Variants in FAR2 observed in about 807,000 individuals in gnomAD.
FAR2 encodes the protein epididymis secretory protein Li 81.
FAR2 carries 19 observed loss-of-function variants against 56.0 expected under a neutral mutation model. The ratio of observed to expected loss-of-function variants is 0.34; its 90% CI spans 0.24 to 0.50. FAR2 has a LOEUF of 0.50. FAR2 is among the 20% of genes least tolerant of loss of function. The pLI, the probability that FAR2 is intolerant of heterozygous loss-of-function variation, is 0.98. For synonymous variants in FAR2, 219 were observed against 218.8 expected, an observed-to-expected ratio of 1.00 and a Z score of -0.01; for missense variants, 508 against 642.2, an observed-to-expected ratio of 0.79 and a Z score of 2.26.
intron 1 of FAR2, among the ~76,000 whole-genome samples, chr12:29,176,661 G>T (rs1160286921): frequency 6.6e-6 from 1 of 152,204 alleles, no homozygotes; most frequent in East Asian, 1.9e-4. Flanking sequence ...TTATAACACA[G>T]GCTGAGGAAA....
intron 5 of FAR2, 23 bp from the exon 6 acceptor site, chr12:29,309,163 A>G: frequency 6.4e-7 from 1 of 1,559,460 alleles, no homozygotes; most frequent in East Asian, 2.2e-5. Context: ...ATGTGTAACC[A>G]ATAGAAATCT....
chr12:29,299,780 T>C (rs990592603), intron 4 of FAR2, among the ~76,000 whole-genome samples: 16 of 137,518 alleles, frequency 1.2e-4, no homozygotes, highest in Non-Finnish European at 4.7e-5. Context: ...CCTCATACTC[T>C]GCCTGCCTTT....
chr12:29,268,881 G>A (rs1353282673), intron 1 of FAR2, among the ~76,000 whole-genome samples: 1 of 152,134 alleles, frequency 6.6e-6, no homozygotes, highest in Admixed American at 6.6e-5. Flanking sequence ...GTTTTTATTA[G>A]GGATTTTCAA....
Position 29,203,999 on chromosome 12 carries a change from C to CAAAAAAAAAA in FAR2, c.-39+54607_-39+54616dup, listed in dbSNP as rs34399942. On this transcript the variant is annotated intron_variant, in intron 1 of 11. Transcript: ENST00000536681. Reference sequence around the variant, plus strand: ...TGGGAGAGAGAGTGAGATTCCATCTCAAAAAAAAAAAAAAAAAAAAAAAAG... The same window carrying CAAAAAAAAAA: ...TGGGAGAGAGAGTGAGATTCCATCTCAAAAAAAAAAAAAAAAAAAAAAAAAAAAAAAAAAG... 3.1e-4 allele frequency among the ~76,000 whole-genome samples: 21 copies of CAAAAAAAAAA among 68,104 alleles called. 1 individual carries two copies. The highest frequency in any genetic ancestry group is 4.6e-4 in the Non-Finnish European group (19 of 41,204). 44.7% of individuals were successfully genotyped at this position (68,104 alleles called of 152,430 possible).
At chr12:29,332,059 C>A (rs1406061133) in intron 10 of FAR2, 1 of 156,320 alleles carries the variant, frequency 6.4e-6, no homozygotes, top group Non-Finnish European at 1.4e-5. Flanking sequence ...GTGATCACTC[C>A]TTTTTTCTTT....
intron 1 of FAR2, among the ~76,000 whole-genome samples, chr12:29,259,068 A>G (rs1385325038): frequency 2.0e-5 from 3 of 152,238 alleles, no homozygotes; most frequent in Admixed American, 1.3e-4. Flanking sequence ...ATAGGCAGAA[A>G]TTTAAGTCTT....
At chr12:29,172,481 G>A (rs1302211589) in intron 1 of FAR2, among the ~76,000 whole-genome samples, 1 of 152,170 alleles carries the variant, frequency 6.6e-6, no homozygotes, top group Non-Finnish European at 1.5e-5. Context: ...GAACCACTGA[G>A]GTTTGTTTGT....
intron 1 of FAR2, among the ~76,000 whole-genome samples, chr12:29,175,664 T>C (rs1230785980): frequency 1.3e-5 from 2 of 152,262 alleles, no homozygotes; most frequent in Non-Finnish European, 1.5e-5. Flanking sequence ...TTTTGCAGAA[T>C]GCTGATTGGT....
intron 1 of FAR2, among the ~76,000 whole-genome samples, chr12:29,253,362 G>C (rs571432210): frequency 7.1e-6 from 1 of 141,106 alleles, no homozygotes; most frequent in African/African-American, 2.6e-5. Flanking sequence ...TATCTATACA[G>C]ATATCTATCT....
At chr12:29,258,825 G>A (rs1458375327) in intron 1 of FAR2, among the ~76,000 whole-genome samples, 1 of 152,208 alleles carries the variant, frequency 6.6e-6, no homozygotes, top group Non-Finnish European at 1.5e-5. Flanking sequence ...AAATTGAGAA[G>A]CTTAAGTTTT....
chr12:29,270,753 A>AGCCT, intron 2 of FAR2, 115 bp downstream of exon 2: 5 of 831,780 alleles, frequency 6.0e-6, no homozygotes, highest in South Asian at 3.7e-5. Flanking sequence ...CTGCACAGGT[A>AGCCT]GAGGAAGGCA....
At chr12:29,217,127 G>C (rs977543436) in intron 1 of FAR2, among the ~76,000 whole-genome samples, 4 of 152,140 alleles carry the variant, frequency 2.6e-5, no homozygotes, top group Non-Finnish European at 5.9e-5. Context: ...AGGAAAAATA[G>C]ATAAGTTATC....
At chr12:29,270,708 T>C (rs984528961) in intron 2 of FAR2, 70 bp downstream of exon 2, 2 of 1,361,590 alleles carry the variant, frequency 1.5e-6, no homozygotes, top group Non-Finnish European at 2.0e-6. Flanking sequence ...CAATGTTCTC[T>C]TATAGTCTCA....
chr12:29,183,046 C>A (rs183269234), intron 1 of FAR2, among the ~76,000 whole-genome samples: 155 of 151,086 alleles, frequency 1.0e-3, no homozygotes, highest in African/African-American at 3.6e-3. Context: ...ACAGTAAAAT[C>A]TCAGTAACCA....
In FAR2 at chr12:29,245,590, A is replaced by G. The variant is rs546250829; in HGVS notation, c.-38-24822A>G. 8.5e-5 allele frequency among the ~76,000 whole-genome samples: 13 copies of G among 152,252 alleles called. No homozygotes were observed. The South Asian group carries it at 2.7e-3, about 32-fold the overall frequency. On this transcript the variant is annotated intron_variant, in intron 1 of 11. Coordinates refer to ENST00000536681, the MANE Select transcript of FAR2 (RefSeq NM_001271783.2). The stretch of plus-strand genomic sequence containing the variant: ...CTCCTTGCCCCAGTTCAACTCCTCA[A>G]TACCTCTGGCCTGGATCATTGAAAT...
At chr12:29,162,761 T>C (rs1399022586) in intron 1 of FAR2, among the ~76,000 whole-genome samples, 1 of 152,204 alleles carries the variant, frequency 6.6e-6, no homozygotes, top group Non-Finnish European at 1.5e-5. Context: ...GTCTTCATTA[T>C]ACTCACACAT....
At chr12:29,219,159 G>A (rs1000502579) in intron 1 of FAR2, among the ~76,000 whole-genome samples, 1 of 152,066 alleles carries the variant, frequency 6.6e-6, no homozygotes, top group African/African-American at 2.4e-5. Flanking sequence ...AAAGTGCTGG[G>A]ATTACAAGCA....
intron 3 of FAR2, among the ~76,000 whole-genome samples, chr12:29,296,652 A>G (rs573072015): frequency 1.3e-5 from 2 of 152,258 alleles, no homozygotes; most frequent in South Asian, 4.1e-4. Context: ...CAGTTTATTT[A>G]CATTTTCCAA....
Position 29,182,533 on chromosome 12 carries a change from T to G in FAR2, c.-39+33126T>G, listed in dbSNP as rs990695323. Among the ~76,000 whole-genome samples the G allele has an allele frequency of 2.6e-5, 4 of 151,602 alleles. No individual in the cohort carries two copies. The South Asian group carries it at 8.3e-4, about 32-fold the overall frequency. On this transcript the variant is annotated intron_variant, in intron 1 of 11. Coordinates refer to ENST00000536681, the MANE Select transcript of FAR2 (RefSeq NM_001271783.2). ...CGCTGATTGGTGCATTTTTACAGAGTGCTGATTGGTGCTTTTACAATCCTC... is the reference window on the plus strand; with the variant it reads ...CGCTGATTGGTGCATTTTTACAGAGGGCTGATTGGTGCTTTTACAATCCTC...
Sources: allele counts gnomAD v4.1 joint callset (sites outside exome capture counted in the v4.1 genomes callset), GRCh38; gene constraint gnomAD v4.1.1; transcripts MANE v1.5; gene names NCBI Gene and HGNC (gene_info 2026-07-23, HGNC 2026-07-21).